The following PACS2 variants were observed in gnomAD, a reference collection of about 807,000 sequenced individuals.
The protein encoded by PACS2 is phosphofurin acidic cluster sorting protein 2, also known as PACS1-like protein.
Under a neutral mutation model 113.0 loss-of-function variants are expected in PACS2, and 36 were observed. That is an observed-to-expected ratio of 0.32 (90% CI 0.24 to 0.42). The LOEUF is 0.42. Ranked by LOEUF, PACS2 falls within the 10% of genes least tolerant of loss-of-function variation. The pLI, the probability that PACS2 is intolerant of heterozygous loss-of-function variation, is 1.00. For synonymous variants in PACS2, 589 were observed against 536.1 expected, an observed-to-expected ratio of 1.10 and a Z score of -1.36; for missense variants, 1,015 against 1,239.5, an observed-to-expected ratio of 0.82 and a Z score of 2.72.
At chr14:105,307,561 C>T (rs1158873744) in intron 1 of PACS2, among the ~76,000 whole-genome samples, 1 of 152,158 alleles carries the variant, frequency 6.6e-6, no homozygotes, top group African/African-American at 2.4e-5. Flanking sequence ...TGTCTGTCAT[C>T]TTATCACATT....
rs1264539569 is a variant in PACS2, at chr14:105,323,017, C to G, written c.119+7980C>G. Among the ~76,000 whole-genome samples the G allele has an allele frequency of 6.6e-6, 1 of 152,158 alleles. No individual in the cohort carries two copies. Among genetic ancestry groups the G allele is most frequent in the Non-Finnish European group, 1.5e-5 (1 of 68,036 alleles). ...GGGCGTCCCTGGCTTTGACTTCCAG[C>G]TTTGCTGTAAGAGGTCAGCGGCCGT... On this transcript the variant is annotated intron_variant, in intron 1 of 24. Transcript: ENST00000447393. The surrounding 1 kb of genome is among the most constrained non-coding windows in gnomAD (Gnocchi z 4.1).
chr14:105,361,140 G>A (rs2060663605), intron 4 of PACS2, among the ~76,000 whole-genome samples: 1 of 152,206 alleles, frequency 6.6e-6, no homozygotes, highest in Admixed American at 6.5e-5. Flanking sequence ...CCAAATTCCT[G>A]TCAATGCTGA....
intron 4 of PACS2, among the ~76,000 whole-genome samples, chr14:105,363,869 C>T (rs781999965): frequency 2.6e-5 from 4 of 152,012 alleles, no homozygotes; most frequent in South Asian, 2.1e-4. Context: ...CTTAGGGGCC[C>T]GTAGAGTTAG....
chr14:105,367,003 G>C (rs1347930501), intron 4 of PACS2, among the ~76,000 whole-genome samples: 1 of 152,164 alleles, frequency 6.6e-6, no homozygotes, highest in Non-Finnish European at 1.5e-5. Context: ...TGTCCGCCTG[G>C]CTCCTGTGTC....
chr14:105,302,077 T>C (rs1339097893), intron 1 of PACS2, among the ~76,000 whole-genome samples: 1 of 150,954 alleles, frequency 6.6e-6, no homozygotes, highest in Non-Finnish European at 1.5e-5. Context: ...AGGTGGAGGT[T>C]GCAGTGAGCT....
rs1189806204 is a variant in PACS2, at chr14:105,330,097, C to T, written c.119+15060C>T. On this transcript the variant is annotated intron_variant, in intron 1 of 24. Transcript: ENST00000447393. The surrounding 1 kb of genome is among the most constrained non-coding windows in gnomAD (Gnocchi z 6.9). ...TGTGGGAAGGAACGGGGACAGGGAG[C>T]CTCCGAGAAGCCTGGGGTCCGTGTG... Among the ~76,000 whole-genome samples the T allele has an allele frequency of 2.0e-5, 3 of 149,328 alleles. No individual in the cohort carries two copies. The highest frequency in any genetic ancestry group is 4.5e-5 in the Non-Finnish European group (3 of 67,194).
intron 4 of PACS2, among the ~76,000 whole-genome samples, chr14:105,364,146 G>C (rs587645119): frequency 2.0e-5 from 3 of 152,358 alleles, no homozygotes; most frequent in African/African-American, 7.2e-5. Context: ...CAGACACCAA[G>C]TGAACACGTG....
In PACS2 at chr14:105,385,694, T is replaced by A; in HGVS notation, c.2010T>A (p.His670Gln). ...GTGGCTTTCTGAAAAGGAAAAAGCA[T>A]TTTCATTTTGACTTTACCCTAAGGT... is the stretch of plus-strand genomic sequence containing the variant. ...MLTYKQKRKKHFHFDFTLSPD... is the reference protein window; with the variant it reads ...MLTYKQKRKKQFHFDFTLSPD... The change falls in exon 19 of 25, where the codon CAT (histidine) becomes CAA (glutamine). Residue 670 changes from histidine to glutamine, a missense_variant. Around this residue, in one of 3 missense-constraint regions of PACS2, gnomAD observed 859 missense variants for 1,056.8 expected, o/e 0.81. Coordinates refer to ENST00000447393, the MANE Select transcript of PACS2 (RefSeq NM_001100913.3). 1 of 1,521,656 alleles carries A rather than the reference T, an allele frequency of 6.6e-7. No individual in the cohort carries two copies. The highest frequency in any genetic ancestry group is 8.8e-7 in the Non-Finnish European group (1 of 1,137,942). 94.3% of individuals were successfully genotyped at this position (1,521,656 alleles called of 1,614,324 possible).
Position 105,364,695 on chromosome 14 carries a change from C to A in PACS2, c.424-2518C>A, listed in dbSNP as rs1279324354. ...GTGACATCCTGAGCAATTTTCTTTT[C>A]TTTTTTTTTTTTTTTTTTTGAGACG... is the stretch of plus-strand genomic sequence containing the variant. On this transcript the variant is annotated intron_variant, in intron 4 of 24. Coordinates refer to ENST00000447393, the MANE Select transcript of PACS2 (RefSeq NM_001100913.3). Among the ~76,000 whole-genome samples the A allele has an allele frequency of 4.8e-5, 6 of 126,074 alleles. No individual in the cohort carries two copies. In the East Asian group the frequency reaches 1.3e-3, roughly 27 times the overall value. The allele number at this position is 126,074 out of a possible 152,430, so 82.7% of individuals were successfully genotyped here. A position where few individuals can be genotyped will look rare whatever the true frequency, so the allele number is the denominator to read the frequency against.
At chr14:105,383,253 G>A (rs782562233) in intron 15 of PACS2, 106 bp from the exon 16 acceptor site, 30 of 1,302,118 alleles carry the variant, frequency 2.3e-5, no homozygotes, top group Middle Eastern at 1.9e-4. Context: ...TGGCATGAGC[G>A]GCCACAGGCA....
chr14:105,314,661 C>T (rs1179456300), upstream of PACS2: 4 of 143,420 alleles, frequency 2.8e-5, no homozygotes, highest in South Asian at 8.5e-4. Flanking sequence ...GGCGCCGGCG[C>T]GGGTCGGAGG....
In PACS2 at chr14:105,392,819, T is replaced by C. The variant is rs782227157; in HGVS notation, c.2456T>C (p.Val819Ala). The change falls in exon 23 of 25, where the codon GTG (valine) becomes GCG (alanine). Residue 819 changes from valine to alanine, a missense_variant. By Grantham distance (64) the Val-to-Ala change is moderately conservative. This residue lies in a region of PACS2 where 859 missense variants were observed against 1,056.8 expected (regional missense o/e 0.81). Coordinates refer to ENST00000447393, the MANE Select transcript of PACS2 (RefSeq NM_001100913.3). ...AAATPTMSMT[V>A]VTKEKNKKVM... is the part of the protein sequence containing the mutation. Reference sequence around the variant, plus strand: ...GCCACGCCCACCATGTCCATGACCGTGGTCACCAAGGAGAAGAACAAGAAG... The same window carrying C: ...GCCACGCCCACCATGTCCATGACCGCGGTCACCAAGGAGAAGAACAAGAAG... The C allele has an allele frequency of 6.2e-7, 1 of 1,606,356 alleles. No individual in the cohort carries two copies. Among genetic ancestry groups the C allele is most frequent in the South Asian group, 1.1e-5 (1 of 91,060 alleles).
At chr14:105,381,136 C>A in intron 12 of PACS2, 37 bp downstream of exon 12, 1 of 1,579,938 alleles carries the variant, frequency 6.3e-7, no homozygotes, top group Non-Finnish European at 8.6e-7. Context: ...GGCGGTGATG[C>A]ACCTGTCGGG....
In PACS2 at chr14:105,393,800, A is replaced by G. The variant is rs587617844; in HGVS notation, c.2596+465A>G. Among the ~76,000 whole-genome samples, 457 of 152,228 alleles carry G rather than the reference A, an allele frequency of 3.0e-3. 5 individuals are homozygous for G. The highest frequency in any genetic ancestry group is 9.9e-3 in the African/African-American group (411 of 41,566). ...GAGATGGGGTTTTACCGTGTTGGCC[A>G]GGCTGGTCTCAAACTCCTGACCTCA... is the stretch of plus-strand genomic sequence containing the variant. On this transcript the variant is annotated intron_variant, in intron 24 of 24. Transcript: ENST00000447393.
chr14:105,374,054 C>G (rs1249095860), intron 8 of PACS2, among the ~76,000 whole-genome samples: 1 of 151,264 alleles, frequency 6.6e-6, no homozygotes, highest in Non-Finnish European at 1.5e-5. Flanking sequence ...ACCTGGGAGG[C>G]TGAAGTGGAA....
chr14:105,385,663 CTT>C lies in PACS2; in HGVS notation c.2001-19_2001-18del. On this transcript the variant is annotated intron_variant, in intron 18 of 24. Transcript: ENST00000447393. ...GGGCGTCGTAACGTGTCTGTTTTCT[CTT>C]TTGGTGGCTTTCTGAAAAGGAAAAA... The C allele has an allele frequency of 6.6e-7, 1 of 1,515,102 alleles. No individual in the cohort carries two copies. The highest frequency in any genetic ancestry group is 8.8e-7 in the Non-Finnish European group (1 of 1,133,512). The allele number at this position is 1,515,102 out of a possible 1,614,324, so 93.9% of individuals were successfully genotyped here.
chr14:105,339,319 C>A (rs1002752751), intron 1 of PACS2, among the ~76,000 whole-genome samples: 2 of 151,464 alleles, frequency 1.3e-5, no homozygotes, highest in African/African-American at 4.9e-5. Context: ...TCAGCCTGGC[C>A]AACATGAGAA....
rs1469313178 is a variant in PACS2, at chr14:105,355,455, G to T, written c.423+278G>T. On this transcript the variant is annotated intron_variant, in intron 4 of 24. Transcript: ENST00000447393. The surrounding 1 kb of genome is among the most constrained non-coding windows in gnomAD (Gnocchi z 4.1). The stretch of plus-strand genomic sequence containing the variant: ...CGAGCCTGTCCTGCCCTTCAGTGGA[G>T]GCTGGGTTTTGGGTCAGGCTGCTCT... Among the ~76,000 whole-genome samples the T allele has an allele frequency of 1.3e-5, 2 of 152,224 alleles. No individual in the cohort carries two copies. Among genetic ancestry groups the T allele is most frequent in the African/African-American group, 2.4e-5 (1 of 41,470 alleles).
intron 1 of PACS2, among the ~76,000 whole-genome samples, chr14:105,333,360 G>A (rs755793088): frequency 6.6e-6 from 1 of 152,350 alleles, no homozygotes; most frequent in Admixed American, 6.5e-5. Context: ...CGTTGCAGGC[G>A]TTCCCATGGC....
Sources: allele counts gnomAD v4.1 joint callset (sites outside exome capture counted in the v4.1 genomes callset), GRCh38; gene constraint gnomAD v4.1.1; regional missense constraint gnomAD v4.1.1; non-coding constraint Gnocchi (gnomAD v3.1); transcripts MANE v1.5; gene names NCBI Gene and HGNC (gene_info 2026-07-23, HGNC 2026-07-21).